DACH2: variants seen among roughly 807,000 people sequenced by gnomAD.
DACH2 encodes the protein dachshund homolog 2.
In DACH2, 17 loss-of-function variants were observed where a neutral mutation model predicts 35.8. That is an observed-to-expected ratio of 0.48 (90% CI 0.33 to 0.71). The LOEUF (loss-of-function observed/expected upper bound fraction) is 0.71. DACH2 is among the 30% of genes least tolerant of loss of function. The pLI, the probability that DACH2 is intolerant of heterozygous loss-of-function variation, is 0.02. For missense variants in DACH2, 469 were observed against 472.7 expected, an observed-to-expected ratio of 0.99 and a Z score of 0.07; for synonymous variants, 195 against 177.3, an observed-to-expected ratio of 1.10 and a Z score of -0.79.
At chrX:86,266,038 A>G (rs1422023352) in intron 1 of DACH2, among the ~76,000 whole-genome samples, 1 of 111,669 alleles carries the variant, frequency 9.0e-6, no homozygotes, top group Non-Finnish European at 1.9e-5. Context: ...GTAAAACTGA[A>G]GGGATTTCAA....
At chrX:86,290,346 C>T (rs1298596822) in intron 1 of DACH2, among the ~76,000 whole-genome samples, 1 of 67,244 alleles carries the variant, frequency 1.5e-5, no homozygotes, top group African/African-American at 6.0e-5. Flanking sequence ...GAGTAGGTTG[C>T]AAAAATTTTC....
chrX:86,827,889 C>T, intron 11 of DACH2: 1 of 830,690 alleles, frequency 1.2e-6, no homozygotes, highest in Non-Finnish European at 1.7e-6. Context: ...AATATGGAAC[C>T]TTTAATTACT....
chrX:86,295,595 C>T (rs1045157661), intron 1 of DACH2, among the ~76,000 whole-genome samples: 1 of 111,199 alleles, frequency 9.0e-6, no homozygotes, highest in Non-Finnish European at 1.9e-5. Context: ...CAAGTTTGGA[C>T]CACTAGGATT....
chrX:86,754,860 G>A (rs1160582313), intron 7 of DACH2, among the ~76,000 whole-genome samples: 1 of 111,476 alleles, frequency 9.0e-6, no homozygotes, highest in Non-Finnish European at 1.9e-5. Flanking sequence ...CCCAATCTTT[G>A]CTATTCTGAA....
At chrX:86,817,615 C>CTGAT (rs903842468) in intron 11 of DACH2, among the ~76,000 whole-genome samples, 7 of 111,722 alleles carry the variant, frequency 6.3e-5, no homozygotes, top group African/African-American at 1.9e-4. Flanking sequence ...ACCTGCACCT[C>CTGAT]TGATTTATTG....
chrX:86,233,031 C>T (rs950922428), intron 1 of DACH2, among the ~76,000 whole-genome samples: 1 of 111,946 alleles, frequency 8.9e-6, no homozygotes, highest in Non-Finnish European at 1.9e-5. Context: ...AGATCACATC[C>T]TTTCCAGGAA....
intron 3 of DACH2, among the ~76,000 whole-genome samples, chrX:86,536,004 G>A (rs749347222): frequency 2.6e-4 from 29 of 110,931 alleles, no homozygotes; most frequent in Non-Finnish European, 4.9e-4. Flanking sequence ...GTGTTACAAG[G>A]AACTGGAATT....
At chrX:86,645,798 G>A (rs1465278937) in intron 3 of DACH2, among the ~76,000 whole-genome samples, 2 of 111,298 alleles carry the variant, frequency 1.8e-5, no homozygotes, top group African/African-American at 6.5e-5. Flanking sequence ...ACTAAGGCAG[G>A]AACAGAAAAC....
At chrX:86,152,678 A>G (rs1281401013) in intron 1 of DACH2, among the ~76,000 whole-genome samples, 1 of 111,727 alleles carries the variant, frequency 9.0e-6, no homozygotes, top group Non-Finnish European at 1.9e-5. Context: ...ACTGTACAAC[A>G]TTTTTCCTTC....
At chrX:86,337,787 G>T (rs774383951) in intron 1 of DACH2, among the ~76,000 whole-genome samples, 9 of 111,714 alleles carry the variant, frequency 8.1e-5, no homozygotes, top group Admixed American at 1.9e-4. Context: ...AAAGAGTCAA[G>T]ACCCATCAGT....
At chrX:86,427,267 G>C (rs1442646262) in intron 2 of DACH2, among the ~76,000 whole-genome samples, 1 of 111,381 alleles carries the variant, frequency 9.0e-6, no homozygotes, top group Non-Finnish European at 1.9e-5. Context: ...ATGTTTGAGA[G>C]ATGGGGTTTT....
intron 2 of DACH2, among the ~76,000 whole-genome samples, chrX:86,412,078 A>G (rs928845822): frequency 9.0e-5 from 10 of 111,336 alleles, no homozygotes; most frequent in African/African-American, 3.3e-4. Context: ...GTCTGGGTCA[A>G]TCACCCTAGC....
chrX:86,812,713 G>A (rs2042406276), intron 7 of DACH2, 143 bp from the exon 8 acceptor site: 1 of 368,747 alleles, frequency 2.7e-6, no homozygotes, highest in Non-Finnish European at 4.6e-6. Context: ...GGCAGCTGGA[G>A]AATAAATATG....
At chrX:86,383,419 A>G (rs1373327612) in intron 2 of DACH2, among the ~76,000 whole-genome samples, 1 of 106,230 alleles carries the variant, frequency 9.4e-6, no homozygotes, top group African/African-American at 3.4e-5. Flanking sequence ...CGCAAAACCA[A>G]TTGCAGTCTT....
intron 1 of DACH2, among the ~76,000 whole-genome samples, chrX:86,182,260 C>A (rs1335413823): frequency 8.9e-6 from 1 of 111,868 alleles, no homozygotes; most frequent in South Asian, 3.7e-4. Flanking sequence ...AGTCTTTGCC[C>A]ATGCCTATGT....
intron 2 of DACH2, among the ~76,000 whole-genome samples, chrX:86,400,850 T>C: frequency 8.9e-6 from 1 of 112,501 alleles, no homozygotes. Context: ...GGAGGCAATC[T>C]GCCCTTTCTG....
chrX:86,540,897 C>T (rs1416024202), intron 3 of DACH2, among the ~76,000 whole-genome samples: 1 of 111,603 alleles, frequency 9.0e-6, no homozygotes, highest in Non-Finnish European at 1.9e-5. Context: ...TAATGGTATA[C>T]TTGGTTGGCA....
chrX:86,546,339 C>CTCCTCTTCTTCTTCTTCTTCT (rs1380637599), intron 3 of DACH2, among the ~76,000 whole-genome samples: 11 of 67,201 alleles, frequency 1.6e-4, no homozygotes, highest in East Asian at 5.9e-4. Context: ...CTTCTTCTTC[C>CTCCTCTTCTTCTTCTTCTTCT]TCTTCTTCTT....
intron 7 of DACH2, among the ~76,000 whole-genome samples, chrX:86,777,629 C>T (rs2042048535): frequency 9.0e-6 from 1 of 111,093 alleles, no homozygotes; most frequent in South Asian, 3.8e-4. Flanking sequence ...GCATTTATAA[C>T]ATTCATGTCA....
Sources: allele counts gnomAD v4.1 joint callset (sites outside exome capture counted in the v4.1 genomes callset), GRCh38; gene constraint gnomAD v4.1.1; transcripts MANE v1.5; gene names NCBI Gene and HGNC (gene_info 2026-07-23, HGNC 2026-07-21).